THSD4: variants seen among roughly 807,000 people sequenced by gnomAD.
The protein encoded by THSD4 is thrombospondin type-1 domain-containing protein 4.
THSD4 carries 69 observed loss-of-function variants against 119.0 expected under a neutral mutation model. The observed-to-expected ratio is 0.58, with a 90% confidence interval of 0.48 to 0.71. The LOEUF (loss-of-function observed/expected upper bound fraction) is 0.71. Ranked by LOEUF, THSD4 falls within the 30% of genes least tolerant of loss-of-function variation. The pLI is 0.00. For synonymous variants in THSD4, 524 were observed against 540.4 expected, an observed-to-expected ratio of 0.97 and a Z score of 0.42; for missense variants, 1,393 against 1,391.1, an observed-to-expected ratio of 1.00 and a Z score of -0.02.
intron 7 of THSD4, among the ~76,000 whole-genome samples, chr15:71,464,175 T>C (rs2140622715): frequency 6.6e-6 from 1 of 152,334 alleles, no homozygotes; most frequent in Admixed American, 6.5e-5. Flanking sequence ...CCACTCTGGC[T>C]CAGTCCTTTT....
rs570301755 is a variant in THSD4, at chr15:71,682,425, C to A, written c.1357+21691C>A. ...AGAACTTGATCAGCTCCCAGAAGCC[C>A]CTTCCAGTGTCCCCTCTCTGTCACT... On this transcript the variant is annotated intron_variant, in intron 8 of 17. Transcript: ENST00000261862. Among the ~76,000 whole-genome samples the A allele has an allele frequency of 6.0e-4, 91 of 152,280 alleles. 2 individuals are homozygous for A. In the South Asian group the frequency reaches 0.018, roughly 31 times the overall value.
intron 14 of THSD4, among the ~76,000 whole-genome samples, chr15:71,756,629 C>T (rs1313743855): frequency 2.0e-5 from 3 of 152,022 alleles, no homozygotes; most frequent in African/African-American, 7.2e-5. Flanking sequence ...CAAAAAAATA[C>T]AAAAATTAGC....
intron 7 of THSD4, among the ~76,000 whole-genome samples, chr15:71,567,844 A>G (rs1465208535): frequency 6.6e-6 from 1 of 151,946 alleles, no homozygotes; most frequent in East Asian, 1.9e-4. Flanking sequence ...GAATCCCATC[A>G]TGCTTGCTTC....
At chr15:71,165,994 A>G (rs1237981911) in intron 3 of THSD4, among the ~76,000 whole-genome samples, 1 of 152,064 alleles carries the variant, frequency 6.6e-6, no homozygotes, top group Non-Finnish European at 1.5e-5. Context: ...GAGGTGAGAC[A>G]TCTCTAGGCC....
At chr15:71,391,729 CTTCA>C (rs1435136409) in intron 6 of THSD4, among the ~76,000 whole-genome samples, 2 of 152,130 alleles carry the variant, frequency 1.3e-5, no homozygotes, top group African/African-American at 4.8e-5. Context: ...ATAGTGAGTC[CTTCA>C]TTAAGACTTG....
intron 6 of THSD4, among the ~76,000 whole-genome samples, chr15:71,272,344 G>A (rs911165555): frequency 7.2e-6 from 1 of 138,586 alleles, no homozygotes; most frequent in Non-Finnish European, 1.5e-5. Context: ...GTTACAGTGA[G>A]CTGAGACCAC....
chr15:71,240,832 CACACACAT>C (rs1171684088), intron 4 of THSD4, among the ~76,000 whole-genome samples: 38 of 147,092 alleles, frequency 2.6e-4, no homozygotes, highest in African/African-American at 9.0e-4. Context: ...CACACACACA[CACACACAT>C]ATATACATAT....
At chr15:71,564,428 A>C (rs2049183134) in intron 7 of THSD4, among the ~76,000 whole-genome samples, 1 of 152,182 alleles carries the variant, frequency 6.6e-6, no homozygotes, top group South Asian at 2.1e-4. Flanking sequence ...ATGTTGCCTA[A>C]GTAGGAGTTT....
At chr15:71,753,223 C>T (rs1464563872) in intron 14 of THSD4, among the ~76,000 whole-genome samples, 2 of 152,174 alleles carry the variant, frequency 1.3e-5, no homozygotes, top group Non-Finnish European at 2.9e-5. Context: ...TTTTCAGCTG[C>T]TTGTACTTGA....
intron 7 of THSD4, among the ~76,000 whole-genome samples, chr15:71,496,304 GAATT>G (rs1442919165): frequency 6.6e-6 from 1 of 152,190 alleles, no homozygotes; most frequent in Non-Finnish European, 1.5e-5. Context: ...CAGTTGGGAT[GAATT>G]ATTATGTTAC....
intron 7 of THSD4, among the ~76,000 whole-genome samples, chr15:71,551,936 C>G (rs12148745): frequency 0.34 from 51,274 of 152,104 alleles, 10,268 homozygotes; most frequent in South Asian, 0.48. Context: ...TCCCCAAATC[C>G]AAGTTACCAG....
chr15:71,768,981 C>T (rs1444101043), intron 16 of THSD4, among the ~76,000 whole-genome samples: 4 of 91,566 alleles, frequency 4.4e-5, no homozygotes, highest in Non-Finnish European at 6.7e-5. Flanking sequence ...GCCCCCCGCC[C>T]GGCCAGCCGC....
intron 7 of THSD4, among the ~76,000 whole-genome samples, chr15:71,454,236 G>A (rs1261894344): frequency 2.0e-5 from 3 of 152,152 alleles, no homozygotes; most frequent in African/African-American, 7.2e-5. Context: ...CAGCCTAGGT[G>A]ATAGAGTGAG....
chr15:71,389,229 G>A (rs531247192), intron 6 of THSD4, among the ~76,000 whole-genome samples: 68 of 152,198 alleles, frequency 4.5e-4, no homozygotes, highest in Middle Eastern at 3.4e-3. Context: ...CAAATCTCTA[G>A]CATTCTTTTC....
intron 4 of THSD4, among the ~76,000 whole-genome samples, chr15:71,223,007 G>T (rs2043987189): frequency 6.6e-6 from 1 of 152,188 alleles, no homozygotes; most frequent in African/African-American, 2.4e-5. Flanking sequence ...CTGAGTTGCT[G>T]TGAGTTGGAT....
At chr15:71,260,894 A>G (rs2044388973) in intron 6 of THSD4, among the ~76,000 whole-genome samples, 1 of 152,166 alleles carries the variant, frequency 6.6e-6, no homozygotes, top group East Asian at 1.9e-4. Context: ...TGAGGTCGGG[A>G]GTTCGAGACC....
At position 71,509,561 on chromosome 15, in the gene THSD4, A is replaced by G. The variant is rs533173678; in HGVS notation, c.1152+97738A>G. Among the ~76,000 whole-genome samples the G allele has an allele frequency of 2.0e-5, 3 of 152,372 alleles. No homozygotes were observed. The South Asian group carries it at 6.2e-4, about 32-fold the overall frequency. ...TGAGCAGCAAGGGCATTTCGACTTC[A>G]AGAAGCAAAGCATCTAACTTAATTT... On this transcript the variant is annotated intron_variant, in intron 7 of 17. Transcript: ENST00000261862.
At position 71,154,950 on chromosome 15, in the gene THSD4, A is replaced by G; in HGVS notation, c.99+18A>G. On this transcript the variant is annotated intron_variant, in intron 3 of 17. Transcript: ENST00000261862. ...ACAGGAAGGTAAGCCATGGCCATCC[A>G]GAGGTTTTCTTCTCTGCCCAAGGGG... The G allele has an allele frequency of 6.2e-7, 1 of 1,613,698 alleles. No individual in the cohort carries two copies. Among genetic ancestry groups the G allele is most frequent in the Non-Finnish European group, 8.5e-7 (1 of 1,179,876 alleles).
At chr15:71,660,497 ACTATGAGT>A in intron 7 of THSD4, 25 bp from the exon 8 acceptor site, 1 of 1,613,160 alleles carries the variant, frequency 6.2e-7, no homozygotes, top group South Asian at 1.1e-5. Context: ...CCTGATACAT[ACTATGAGT>A]CTTTTGTTTT....
Sources: allele counts gnomAD v4.1 joint callset (sites outside exome capture counted in the v4.1 genomes callset), GRCh38; gene constraint gnomAD v4.1.1; transcripts MANE v1.5; gene names NCBI Gene and HGNC (gene_info 2026-07-23, HGNC 2026-07-21).